SGCD: variants seen among roughly 807,000 people sequenced by gnomAD.
The protein encoded by SGCD is sarcoglycan delta.
Under a neutral mutation model 36.6 loss-of-function variants are expected in SGCD, and 18 were observed. The ratio of observed to expected loss-of-function variants is 0.49; its 90% CI spans 0.34 to 0.73. SGCD has a LOEUF of 0.73. Ranked by LOEUF, SGCD falls within the 30% of genes least tolerant of loss-of-function variation. SGCD has a pLI of 0.01. For missense variants in SGCD, 387 were observed against 346.7 expected, an observed-to-expected ratio of 1.12 and a Z score of -0.92; for synonymous variants, 133 against 130.6, an observed-to-expected ratio of 1.02 and a Z score of -0.12.
At chr5:155,828,685 T>A in the SGCD span, among the ~76,000 whole-genome samples, 3 of 152,028 alleles carry the variant, frequency 2.0e-5, no homozygotes, top group Non-Finnish European at 2.9e-5. Flanking sequence ...TTTATTTTTT[T>A]TTTTATATTT....
At chr5:156,674,173 T>C (rs1753415909) in intron 7 of SGCD, among the ~76,000 whole-genome samples, 1 of 152,150 alleles carries the variant, frequency 6.6e-6, no homozygotes, top group Admixed American at 6.5e-5. Flanking sequence ...ACAAACATAA[T>C]GGATTGGACA....
chr5:156,644,314 C>T (rs1427924507), intron 6 of SGCD, among the ~76,000 whole-genome samples: 1 of 151,996 alleles, frequency 6.6e-6, no homozygotes, highest in Non-Finnish European at 1.5e-5. Flanking sequence ...AGTATTTAGT[C>T]CACAGCAATT....
chr5:156,447,571 C>T (rs897313374), intron 3 of SGCD, among the ~76,000 whole-genome samples: 2 of 152,086 alleles, frequency 1.3e-5, no homozygotes, highest in Admixed American at 6.6e-5. Flanking sequence ...TTTTAAAAGT[C>T]ACAGTGTTCT....
chr5:156,413,507 C>T (rs535685431), intron 3 of SGCD, among the ~76,000 whole-genome samples: 2 of 152,302 alleles, frequency 1.3e-5, no homozygotes, highest in Admixed American at 6.5e-5. Context: ...GATAGGATCG[C>T]ACTCTGTCGC....
At chr5:156,315,757 A>G (rs1224972283) in intron 3 of SGCD, among the ~76,000 whole-genome samples, 1 of 151,932 alleles carries the variant, frequency 6.6e-6, no homozygotes, top group Non-Finnish European at 1.5e-5. Flanking sequence ...AGCCATCCTA[A>G]CAGATGTGAG....
At chr5:156,348,985 A>C (rs981746120) in intron 3 of SGCD, among the ~76,000 whole-genome samples, 8 of 152,274 alleles carry the variant, frequency 5.3e-5, no homozygotes, top group African/African-American at 1.7e-4. Context: ...AAAGTATACA[A>C]AAACATAAAT....
chr5:156,483,316 G>A (rs776229533), intron 3 of SGCD, among the ~76,000 whole-genome samples: 1 of 152,158 alleles, frequency 6.6e-6, no homozygotes, highest in Non-Finnish European at 1.5e-5. Context: ...TTAGGTGCAT[G>A]TTCAATATTT....
rs185758154 is a variant in SGCD, at chr5:156,455,740, C to T, written c.193-52861C>T. On this transcript the variant is annotated intron_variant, in intron 3 of 8. Coordinates refer to ENST00000337851, the MANE Select transcript of SGCD (RefSeq NM_000337.6). Reference sequence around the variant, plus strand: ...TTATTTTAAAAAATGTATCAAAGTCCTAACTCCAGGTGGCTGAAATGTGAC... The same window carrying T: ...TTATTTTAAAAAATGTATCAAAGTCTTAACTCCAGGTGGCTGAAATGTGAC... Among the ~76,000 whole-genome samples the T allele has an allele frequency of 2.3e-3, 357 of 152,252 alleles. 1 individual carries two copies. The highest frequency in any genetic ancestry group is 0.01 in the Middle Eastern group (3 of 294).
chr5:155,731,428 T>C, the SGCD span, among the ~76,000 whole-genome samples: 1 of 152,136 alleles, frequency 6.6e-6, no homozygotes, highest in Non-Finnish European at 1.5e-5. Flanking sequence ...TTAATTTTCG[T>C]AAACCATGCT....
intron 3 of SGCD, among the ~76,000 whole-genome samples, chr5:156,169,792 CTTG>C (rs1400543690): frequency 6.6e-6 from 1 of 151,682 alleles, no homozygotes; most frequent in African/African-American, 2.4e-5. Flanking sequence ...GTGGGATTGG[CTTG>C]TTGGAAGGAC....
chr5:155,929,534 G>A lies in SGCD; in HGVS notation c.-282+59110G>A, dbSNP rs137978975. Among the ~76,000 whole-genome samples, 647 of 151,984 alleles carry A rather than the reference G, an allele frequency of 4.3e-3. 3 individuals carry two copies. The highest frequency in any genetic ancestry group is 5.5e-3 in the Non-Finnish European group (373 of 67,974). On this transcript the variant is annotated intron_variant, in intron 1 of 9. Transcript: ENST00000517913. Reference sequence around the variant, plus strand: ...TACCTTCCACTCTTAAGATAGCTCAGCTCATAGAGTAGCCTCTCTCACTAA... The same window carrying A: ...TACCTTCCACTCTTAAGATAGCTCAACTCATAGAGTAGCCTCTCTCACTAA...
chr5:156,406,344 C>T (rs1028228627), intron 3 of SGCD, among the ~76,000 whole-genome samples: 4 of 152,068 alleles, frequency 2.6e-5, no homozygotes, highest in South Asian at 4.2e-4. Context: ...AGCTTCTCAT[C>T]CCCTTCCATC....
intron 3 of SGCD, among the ~76,000 whole-genome samples, chr5:156,465,030 G>C (rs561306771): frequency 6.6e-6 from 1 of 152,170 alleles, no homozygotes; most frequent in Admixed American, 6.5e-5. Context: ...CATTGTCTCA[G>C]CTGCAGCTTG....
At chr5:156,248,032 T>C (rs1475168766) in intron 3 of SGCD, among the ~76,000 whole-genome samples, 1 of 152,224 alleles carries the variant, frequency 6.6e-6, no homozygotes, top group Non-Finnish European at 1.5e-5. Context: ...GTGACAGTGT[T>C]GAAAAGGCTT....
At chr5:156,317,398 A>G (rs1767547241) in intron 3 of SGCD, among the ~76,000 whole-genome samples, 1 of 152,138 alleles carries the variant, frequency 6.6e-6, no homozygotes, top group Non-Finnish European at 1.5e-5. Flanking sequence ...CTTCTGATGA[A>G]GAAGACAATA....
At chr5:156,442,198 T>A (rs1246870465) in intron 3 of SGCD, among the ~76,000 whole-genome samples, 1 of 152,226 alleles carries the variant, frequency 6.6e-6, no homozygotes, top group African/African-American at 2.4e-5. Context: ...TGCGTTGTTT[T>A]TCTTTATTCT....
chr5:156,464,437 G>A (rs1489264427), intron 3 of SGCD, among the ~76,000 whole-genome samples: 2 of 152,054 alleles, frequency 1.3e-5, no homozygotes, highest in African/African-American at 2.4e-5. Flanking sequence ...GGCCAGGCTG[G>A]TCTTGAACTC....
At chr5:156,359,479 GA>G in intron 3 of SGCD, among the ~76,000 whole-genome samples, 1 of 152,264 alleles carries the variant, frequency 6.6e-6, no homozygotes, top group East Asian at 1.9e-4. Context: ...TCCCAGATGA[GA>G]AAATTAATCT....
chr5:155,936,427 G>A (rs944498111), intron 1 of SGCD, among the ~76,000 whole-genome samples: 4 of 152,112 alleles, frequency 2.6e-5, no homozygotes, highest in African/African-American at 4.8e-5. Flanking sequence ...GAGAGCAGAC[G>A]CTGGGGTGGG....
Sources: gnomAD v4.1 joint callset for allele counts (sites outside exome capture counted in the v4.1 genomes callset) on GRCh38, gnomAD v4.1.1 for gene constraint, MANE v1.5 for transcripts, NCBI Gene and HGNC (gene_info 2026-07-23, HGNC 2026-07-21) for gene names.